TAT: variants seen among roughly 807,000 people sequenced by gnomAD.
TAT encodes the protein L-tyrosine:2-oxoglutarate aminotransferase.
TAT carries 35 observed loss-of-function variants against 53.6 expected under a neutral mutation model. The ratio of observed to expected loss-of-function variants is 0.65; its 90% confidence interval spans 0.50 to 0.87. The LOEUF (loss-of-function observed/expected upper bound fraction) is 0.87, where lower values mean the gene tolerates loss of function less well. Among genes scored for constraint, TAT ranks in the 40% least tolerant of loss-of-function variants. The pLI is 0.00. For synonymous variants in TAT, 197 were observed against 206.5 expected, an observed-to-expected ratio of 0.95 and a Z score of 0.39; for missense variants, 525 against 571.8, an observed-to-expected ratio of 0.92 and a Z score of 0.83.
At chr16:71,570,171 A>T in intron 9 of TAT, 98 bp downstream of exon 9, 1 of 1,583,766 alleles carries the variant, frequency 6.3e-7, no homozygotes, top group Non-Finnish European at 8.6e-7. Context: ...CTAATATTGG[A>T]ACATGGCTCC....
rs1323231160 is a variant in TAT, at chr16:71,572,695, A to G, written c.409-7T>C. On this transcript the variant is annotated splice_region_variant and splice_polypyrimidine_tract_variant and intron_variant, in intron 4 of 11. Coordinates refer to ENST00000355962, the MANE Select transcript of TAT (RefSeq NM_000353.3). ...CACTTGTCAGAATGACGTCCTGTGA[A>G]GGAAATAAAAGGTTAATTTCATTAG... 6.2e-7 allele frequency: 1 copy of G among 1,614,250 alleles called. No individual in the cohort carries two copies. The highest frequency in any genetic ancestry group is 8.5e-7 in the Non-Finnish European group (1 of 1,180,036).
rs1293076654 is a variant in TAT at position 71,575,430 on chromosome 16, ATTTG to A, written c.340+488_340+491del. 3 of 161,576 alleles carry A rather than the reference ATTTG, an allele frequency of 1.9e-5. No homozygotes were observed. The East Asian group carries it at 5.1e-4, about 28-fold the overall frequency. 10.0% of individuals were successfully genotyped at this position (161,576 alleles called of 1,614,324 possible). On this transcript the variant is annotated intron_variant, in intron 3 of 11. Coordinates refer to ENST00000355962, the MANE Select transcript of TAT (RefSeq NM_000353.3). ...TTTTGTTGTTCTTGGGTGTTTGTTT[ATTTG>A]TTTGTTTAAACCCGTTAGTCATAAA...
chr16:71,567,013 A>G lies in TAT; in HGVS notation c.*1131T>C, dbSNP rs925341348. 6.6e-6 allele frequency: 1 copy of G among 152,248 alleles called. No individual in the cohort carries two copies. Among genetic ancestry groups the G allele is most frequent in the South Asian group, 2.1e-4 (1 of 4,834 alleles). The allele number at this position is 152,248 out of a possible 1,614,324, so 9.4% of individuals were successfully genotyped here. ...TTACAGCAAAAGTAATAATGATTAT[A>G]TAACAATGACAAGTGAAGATATTTC... On this transcript the variant is annotated 3_prime_UTR_variant, in exon 12 of 12. Coordinates refer to ENST00000355962, the MANE Select transcript of TAT (RefSeq NM_000353.3).
Position 71,570,871 on chromosome 16 carries a change from T to C in TAT, c.760-40A>G, listed in dbSNP as rs372624737. ...TTGTTATGGTTGTTTTCTTGTCTAC[T>C]TCTCACTGCAATCCCAGATCCCGTG... is the stretch of plus-strand genomic sequence containing the variant. On this transcript the variant is annotated intron_variant, in intron 7 of 11. Transcript: ENST00000355962. 41 of 1,605,866 alleles carry C rather than the reference T, an allele frequency of 2.6e-5. No individual in the cohort carries two copies. In the African/African-American group the frequency reaches 4.8e-4, roughly 19 times the overall value.
In TAT at chr16:71,571,642, A is replaced by G. The variant is rs868121643; in HGVS notation, c.723T>C (p.Cys241=). The change falls in exon 7 of 12, where the codon TGT becomes TGC. Residue 241 remains cysteine, a synonymous_variant. Coordinates refer to ENST00000355962, the MANE Select transcript of TAT (RefSeq NM_000353.3). ...AGATCTCATCAGCTAAGATGGGGACACACTGCCGTGCAGCCACTGAAAATA... is the reference window on the plus strand; with the variant it reads ...AGATCTCATCAGCTAAGATGGGGACGCACTGCCGTGCAGCCACTGAAAATA... ...QKILAVAARQ[C]VPILADEIYG... is the part of the protein sequence containing the mutation. 6.2e-7 allele frequency: 1 copy of G among 1,614,220 alleles called. No individual in the cohort carries two copies. Among genetic ancestry groups the G allele is most frequent in the Non-Finnish European group, 8.5e-7 (1 of 1,180,032 alleles).
At chr16:71,573,805 A>AT (rs1169586935) in intron 3 of TAT, among the ~76,000 whole-genome samples, 199 bp from the exon 4 acceptor site, 1 of 151,246 alleles carries the variant, frequency 6.6e-6, no homozygotes, top group Non-Finnish European at 1.5e-5. Flanking sequence ...TAATTTTTGA[A>AT]TTTTTTTGTT....
rs768081730 is a variant in TAT, at chr16:71,569,887, C to G, written c.1092G>C (p.Arg364=). ...YGALAAIPGL[R]PVRPSGAMYL... ...ACATAGCCCCAGAAGGGCGGACTGG[C>G]CGGAGTCCAGGGATGGCAGCCAACG... Residue 364 remains arginine, a synonymous_variant, in exon 10 of 12, where the codon CGG becomes CGC. Transcript: ENST00000355962. 6.2e-7 allele frequency: 1 copy of G among 1,613,828 alleles called. No individual in the cohort carries two copies. The highest frequency in any genetic ancestry group is 1.1e-5 in the South Asian group (1 of 90,954).
Position 71,568,222 on chromosome 16 carries a change from C to T in TAT, c.1287G>A (p.Glu429=). ...AGAACTCCTGGATCCGGCTGCACGC[C>T]TCCAGCATCATCACCTCGGGGACTG... ...VITVPEVMML[E]ACSRIQEFCE... The change falls in exon 12 of 12, where the codon GAG becomes GAA. Residue 429 remains glutamate, a synonymous_variant. Transcript: ENST00000355962. 3 of 1,614,226 alleles carry T rather than the reference C, an allele frequency of 1.9e-6. No homozygotes were observed. The highest frequency in any genetic ancestry group is 1.7e-6 in the Non-Finnish European group (2 of 1,180,046).
Position 71,572,290 on chromosome 16 carries a change from A to C in TAT, c.602T>G (p.Leu201Arg). The change falls in exon 6 of 12, where the codon CTG becomes CGG. Residue 201 changes from leucine to arginine, a missense_variant. Coordinates refer to ENST00000355962, the MANE Select transcript of TAT (RefSeq NM_000353.3). Reference protein sequence around the residue: ...EKSWEIDLKQLEYLIDEKTAC... With the variant: ...EKSWEIDLKQREYLIDEKTAC... ...TGTCTTTTCATCAATTAGATATTCCAGTTGTTTCAGGTCAATTTCCCAAGA... is the reference window on the plus strand; with the variant it reads ...TGTCTTTTCATCAATTAGATATTCCCGTTGTTTCAGGTCAATTTCCCAAGA... 6.2e-7 allele frequency: 1 copy of C among 1,614,232 alleles called. No homozygotes were observed. The highest frequency in any genetic ancestry group is 8.5e-7 in the Non-Finnish European group (1 of 1,180,026).
chr16:71,576,259 A>G lies in TAT; in HGVS notation c.157T>C (p.Phe53Leu). Reference sequence around the variant, plus strand: ...TCCACAATGGCTCGGATGGGGTTGAAAGTTTTCTTGGCCATGTCTGAGGGC... The same window carrying G: ...TCCACAATGGCTCGGATGGGGTTGAGAGTTTTCTTGGCCATGTCTGAGGGC... ...VRPSDMAKKT[F>L]NPIRAIVDNM... The change falls in exon 2 of 12, where the codon TTC (phenylalanine) becomes CTC (leucine). Residue 53 changes from phenylalanine to leucine, a missense_variant. Transcript: ENST00000355962. 1.9e-6 allele frequency: 3 copies of G among 1,614,066 alleles called. No homozygotes were observed. Among genetic ancestry groups the G allele is most frequent in the Non-Finnish European group, 2.5e-6 (3 of 1,180,008 alleles).
In TAT at chr16:71,567,928, T is replaced by C. The variant is rs2044175312; in HGVS notation, c.*216A>G. The C allele has an allele frequency of 7.1e-5, 43 of 602,404 alleles. No individual in the cohort carries two copies. In the South Asian group the frequency reaches 7.6e-4, roughly 11 times the overall value. 37.3% of individuals were successfully genotyped at this position (602,404 alleles called of 1,614,324 possible). A position where few individuals can be genotyped will look rare whatever the true frequency, so the allele number is the denominator to read the frequency against. ...AGATTAATGAATTAGTGAGTCACTC[T>C]AGCAGCGCAGAGCAAGGGAGAATCT... On this transcript the variant is annotated 3_prime_UTR_variant, in exon 12 of 12. Coordinates refer to ENST00000355962, the MANE Select transcript of TAT (RefSeq NM_000353.3).
chr16:71,572,626 G>A lies in TAT; in HGVS notation c.471C>T (p.Asn157=), dbSNP rs1266113476. 6.2e-7 allele frequency: 1 copy of A among 1,614,224 alleles called. No homozygotes were observed. Among genetic ancestry groups the A allele is most frequent in the South Asian group, 1.1e-5 (1 of 91,088 alleles). The change falls in exon 5 of 12, where the codon AAC becomes AAT. Residue 157 remains asparagine (N), a synonymous_variant. Coordinates refer to ENST00000355962, the MANE Select transcript of TAT (RefSeq NM_000353.3). ...AIDLCLAVLA[N]PGQNILVPRP... is the part of the protein sequence containing the mutation. ...TTGGAACCAGGATGTTTTGCCCTGG[G>A]TTGGCCAACACAGCTAAACAAAGGT...
intron 4 of TAT, among the ~76,000 whole-genome samples, chr16:71,573,222 A>T (rs1408919389): frequency 1.3e-5 from 2 of 152,160 alleles, no homozygotes; most frequent in Non-Finnish European, 1.5e-5. Context: ...TTTTAAAATA[A>T]TTTTTTAGTG....
At chr16:71,569,765 C>G (rs924302290) in intron 10 of TAT, 89 bp downstream of exon 10, 9 of 1,271,108 alleles carry the variant, frequency 7.1e-6, no homozygotes, top group Non-Finnish European at 9.0e-6. Flanking sequence ...TCTTTGTACC[C>G]TGCGTGACTG....
chr16:71,572,327 G>A lies in TAT; in HGVS notation c.568-3C>T. ...TCAATTTCCCAAGATTTCTCTGGCTGGAGAGAAAGAAAGGATGAGACTAAG... is the reference window on the plus strand; with the variant it reads ...TCAATTTCCCAAGATTTCTCTGGCTAGAGAGAAAGAAAGGATGAGACTAAG... On this transcript the variant is annotated splice_region_variant and splice_polypyrimidine_tract_variant and intron_variant, in intron 5 of 11. Coordinates refer to ENST00000355962, the MANE Select transcript of TAT (RefSeq NM_000353.3). 1.9e-6 allele frequency: 3 copies of A among 1,614,152 alleles called. No individual in the cohort carries two copies. Among genetic ancestry groups the A allele is most frequent in the Non-Finnish European group, 2.5e-6 (3 of 1,180,010 alleles).
intron 2 of TAT, 58 bp from the exon 3 acceptor site, chr16:71,576,084 C>G: frequency 1.2e-6 from 2 of 1,609,768 alleles, no homozygotes; most frequent in Middle Eastern, 1.7e-4. Context: ...ATGTTCAGTA[C>G]TCAGACTCAC....
chr16:71,570,960 C>G (rs1385851406), intron 7 of TAT, 129 bp from the exon 8 acceptor site: 16 of 1,167,618 alleles, frequency 1.4e-5, no homozygotes, highest in Non-Finnish European at 1.5e-5. Flanking sequence ...CATCCCTACC[C>G]TGAAGCATGA....
In TAT at chr16:71,566,506, T is replaced by G. The variant is rs986356813; in HGVS notation, c.*1638A>C. On this transcript the variant is annotated 3_prime_UTR_variant, in exon 12 of 12. Coordinates refer to ENST00000355962, the MANE Select transcript of TAT (RefSeq NM_000353.3). Reference sequence around the variant, plus strand: ...AAAAAAAAAACATCTAGGACACTTCTCATTCACTGGGTCAAGCCAGAGCCA... The same window carrying G: ...AAAAAAAAAACATCTAGGACACTTCGCATTCACTGGGTCAAGCCAGAGCCA... 6.8e-6 allele frequency: 1 copy of G among 147,184 alleles called. No homozygotes were observed. Among genetic ancestry groups the G allele is most frequent in the African/African-American group, 2.5e-5 (1 of 40,048 alleles). The allele number at this position is 147,184 out of a possible 1,614,324, so 9.1% of individuals were successfully genotyped here. A position where few individuals can be genotyped will look rare whatever the true frequency, so the allele number is the denominator to read the frequency against.
At chr16:71,570,208 T>G in intron 9 of TAT, 61 bp downstream of exon 9, 1 of 1,613,078 alleles carries the variant, frequency 6.2e-7, no homozygotes, top group Non-Finnish European at 8.5e-7. Context: ...TATTCCTAAT[T>G]CCACGGGCGG....
Sources: gnomAD v4.1 joint callset for allele counts (sites outside exome capture counted in the v4.1 genomes callset) on GRCh38, gnomAD v4.1.1 for gene constraint, MANE v1.5 for transcripts, NCBI Gene and HGNC (gene_info 2026-07-23, HGNC 2026-07-21) for gene names.